Variants in DDX10 observed in about 807,000 individuals in gnomAD.
The protein encoded by DDX10 is DEAD-box helicase 10, also known as probable ATP-dependent RNA helicase DDX10.
A neutral mutation model predicts 104.3 loss-of-function variants in DDX10; 74 were observed. That is an observed-to-expected ratio of 0.71 (90% confidence interval 0.59 to 0.86). The LOEUF is 0.86. DDX10 is among the 40% of genes least tolerant of loss of function. DDX10 has a pLI of 0.00. For missense variants in DDX10, 952 were observed against 1,040.0 expected (o/e 0.92, Z 1.16); for synonymous variants, 351 against 353.4 (o/e 0.99, Z 0.08).
intron 16 of DDX10, among the ~76,000 whole-genome samples, chr11:108,905,472 T>C (rs983323374): frequency 2.6e-5 from 4 of 152,166 alleles, no homozygotes; most frequent in Non-Finnish European, 5.9e-5. Context: ...TCAATTTACA[T>C]ACAGTACAAT....
chr11:108,883,591 C>T (rs1863256439), intron 16 of DDX10, among the ~76,000 whole-genome samples: 1 of 152,148 alleles, frequency 6.6e-6, no homozygotes, highest in South Asian at 2.1e-4. Context: ...CATTCATCCT[C>T]AGTTTTGTCA....
chr11:108,865,177 G>A (rs1191882781), intron 16 of DDX10, among the ~76,000 whole-genome samples: 1 of 152,096 alleles, frequency 6.6e-6, no homozygotes, highest in African/African-American at 2.4e-5. Context: ...GAGTGGCCCT[G>A]GTGTGTTAGG....
At chr11:108,752,709 A>G (rs1429930711) in intron 13 of DDX10, among the ~76,000 whole-genome samples, 2 of 152,232 alleles carry the variant, frequency 1.3e-5, no homozygotes, top group South Asian at 2.1e-4. Flanking sequence ...GGTGGTTTGT[A>G]TTTGTCATAT....
chr11:108,910,777 G>A (rs982069644), intron 16 of DDX10, among the ~76,000 whole-genome samples: 1 of 133,504 alleles, frequency 7.5e-6, no homozygotes, highest in Non-Finnish European at 1.5e-5. Context: ...GTGTGTGTGT[G>A]TGTGTGTGTG....
chr11:108,892,474 A>G (rs1441706905), intron 16 of DDX10, among the ~76,000 whole-genome samples: 1 of 152,186 alleles, frequency 6.6e-6, no homozygotes, highest in Non-Finnish European at 1.5e-5. Flanking sequence ...GGACTAAGAC[A>G]TATGATTTCA....
intron 1 of DDX10, among the ~76,000 whole-genome samples, chr11:108,667,612 A>G (rs2094211688): frequency 6.6e-6 from 1 of 152,228 alleles, no homozygotes; most frequent in Non-Finnish European, 1.5e-5. Context: ...CCCAAATGAG[A>G]TAATGTGTAT....
intron 16 of DDX10, among the ~76,000 whole-genome samples, chr11:108,914,797 G>A: frequency 6.8e-6 from 1 of 146,794 alleles, no homozygotes; most frequent in South Asian, 2.2e-4. Context: ...TGGTATCAGT[G>A]AATGGAAAAA....
At chr11:108,918,649 A>G (rs1437582424) in intron 17 of DDX10, 1 of 152,150 alleles carries the variant, frequency 6.6e-6, no homozygotes, top group East Asian at 1.9e-4. Context: ...TTTTTAATAA[A>G]TAAAATAATG....
intron 13 of DDX10, among the ~76,000 whole-genome samples, chr11:108,762,815 T>G (rs971217096): frequency 6.6e-6 from 1 of 152,224 alleles, no homozygotes; most frequent in Non-Finnish European, 1.5e-5. Context: ...AGTGCTTGTC[T>G]GTTTGGCTGA....
At chr11:108,729,247 AC>A (rs1304955750) in intron 13 of DDX10, among the ~76,000 whole-genome samples, 2 of 152,142 alleles carry the variant, frequency 1.3e-5, no homozygotes, top group African/African-American at 4.8e-5. Flanking sequence ...CAGTGACACT[AC>A]GTAATACCTC....
At chr11:108,865,453 A>C (rs1474448297) in intron 16 of DDX10, among the ~76,000 whole-genome samples, 1 of 152,180 alleles carries the variant, frequency 6.6e-6, no homozygotes, top group Non-Finnish European at 1.5e-5. Context: ...TATTCTGTAT[A>C]GTATGTTTGC....
intron 15 of DDX10, among the ~76,000 whole-genome samples, chr11:108,851,407 A>G (rs879403085): frequency 6.6e-6 from 1 of 152,186 alleles, no homozygotes; most frequent in Non-Finnish European, 1.5e-5. Context: ...AACTTAATTT[A>G]GGCACAGATT....
chr11:108,855,663 A>G (rs942949125), intron 16 of DDX10, among the ~76,000 whole-genome samples: 2 of 151,990 alleles, frequency 1.3e-5, no homozygotes, highest in South Asian at 4.2e-4. Flanking sequence ...GTTTCACTGC[A>G]TTAGCCAGGA....
chr11:108,753,996 A>C (rs1029388706), intron 13 of DDX10, among the ~76,000 whole-genome samples: 36 of 152,130 alleles, frequency 2.4e-4, no homozygotes, highest in African/African-American at 7.9e-4. Flanking sequence ...AAGTGAATCC[A>C]AGATATTAAT....
intron 13 of DDX10, among the ~76,000 whole-genome samples, chr11:108,745,243 C>T (rs1199313664): frequency 7.3e-6 from 1 of 137,768 alleles, no homozygotes; most frequent in Admixed American, 7.7e-5. Context: ...TTCTCTTTCC[C>T]TTCCTTCTTT....
At chr11:108,698,409 C>T (rs1334746878) in intron 9 of DDX10, among the ~76,000 whole-genome samples, 2 of 152,152 alleles carry the variant, frequency 1.3e-5, no homozygotes, top group Non-Finnish European at 2.9e-5. Context: ...GTCTGCTCCT[C>T]GTAGATAGTG....
At chr11:108,875,426 T>G (rs1218179572) in intron 16 of DDX10, among the ~76,000 whole-genome samples, 2 of 152,182 alleles carry the variant, frequency 1.3e-5, no homozygotes, top group Admixed American at 1.3e-4. Context: ...TTTTTAGAAC[T>G]CCCTGTAGCC....
At chr11:108,879,849 G>A (rs558900360) in intron 16 of DDX10, among the ~76,000 whole-genome samples, 1 of 148,756 alleles carries the variant, frequency 6.7e-6, no homozygotes, top group South Asian at 2.1e-4. Flanking sequence ...ATTACCAGGT[G>A]GCCATATCAA....
intron 16 of DDX10, among the ~76,000 whole-genome samples, chr11:108,908,062 A>G (rs1027823422): frequency 3.9e-5 from 6 of 152,208 alleles, no homozygotes; most frequent in Admixed American, 2.0e-4. Context: ...TCAGTAATGC[A>G]TTTAATAACA....
Sources: allele counts gnomAD v4.1 joint callset (sites outside exome capture counted in the v4.1 genomes callset), GRCh38; gene constraint gnomAD v4.1.1; transcripts MANE v1.5; gene names NCBI Gene and HGNC (gene_info 2026-07-23, HGNC 2026-07-21).